Variants in CCDC73 observed in about 807,000 individuals in gnomAD.
CCDC73 encodes the protein coiled-coil domain-containing protein 73.
A neutral mutation model predicts 116.5 loss-of-function variants in CCDC73; 95 were observed. The observed-to-expected ratio is 0.82, with a 90% CI of 0.69 to 0.97. The LOEUF is 0.97. Ranked by LOEUF, CCDC73 falls within the 50% of genes least tolerant of loss-of-function variation. CCDC73 has a pLI of 0.00. For missense variants in CCDC73, 1,066 were observed against 1,206.8 expected (o/e 0.88, Z 1.73); for synonymous variants, 398 against 401.3 (o/e 0.99, Z 0.10).
chr11:32,637,228 G>T (rs1685083092), intron 13 of CCDC73, among the ~76,000 whole-genome samples: 1 of 151,788 alleles, frequency 6.6e-6, no homozygotes, highest in Admixed American at 6.6e-5. Flanking sequence ...GGCCAGGCTG[G>T]TCTCGAACCC....
chr11:32,744,339 T>C (rs756905776), intron 2 of CCDC73, among the ~76,000 whole-genome samples: 1 of 152,232 alleles, frequency 6.6e-6, no homozygotes, highest in Admixed American at 6.5e-5. Flanking sequence ...TTCGCACTGA[T>C]GTTCATCAGG....
At chr11:32,704,147 C>T (rs954502261) in intron 3 of CCDC73, among the ~76,000 whole-genome samples, 1 of 152,194 alleles carries the variant, frequency 6.6e-6, no homozygotes, top group Non-Finnish European at 1.5e-5. Flanking sequence ...GTTGGCGGGG[C>T]AGGAGCCCGT....
chr11:32,662,045 T>C (rs1198966587), intron 9 of CCDC73, among the ~76,000 whole-genome samples: 4 of 152,238 alleles, frequency 2.6e-5, no homozygotes, highest in Non-Finnish European at 4.4e-5. Flanking sequence ...TAGTATTCCA[T>C]GGTGTATATG....
intron 2 of CCDC73, among the ~76,000 whole-genome samples, chr11:32,755,329 A>T (rs1590631244): frequency 7.0e-6 from 1 of 143,010 alleles, no homozygotes; most frequent in East Asian, 2.1e-4. Context: ...AGGTCAGGAG[A>T]TCGAGGCCAG....
intron 2 of CCDC73, among the ~76,000 whole-genome samples, chr11:32,750,155 C>T (rs1164293035): frequency 6.6e-6 from 1 of 152,202 alleles, no homozygotes; most frequent in Non-Finnish European, 1.5e-5. Context: ...CAGGCGTGAG[C>T]CAACGCTCCT....
chr11:32,716,969 T>G (rs1849951610), intron 3 of CCDC73, among the ~76,000 whole-genome samples: 1 of 152,252 alleles, frequency 6.6e-6, no homozygotes, highest in South Asian at 2.1e-4. Context: ...TGCTTGAAAT[T>G]AGTTGTACTT....
chr11:32,606,493 A>C (rs1275216028), intron 17 of CCDC73, among the ~76,000 whole-genome samples: 1 of 152,248 alleles, frequency 6.6e-6, no homozygotes, highest in Non-Finnish European at 1.5e-5. Flanking sequence ...TTTGCAATCA[A>C]GCTTTAAGCT....
chr11:32,767,158 A>T (rs552025683), intron 1 of CCDC73, among the ~76,000 whole-genome samples: 13 of 152,350 alleles, frequency 8.5e-5, no homozygotes, highest in Admixed American at 4.6e-4. Context: ...GCCCTCAGAA[A>T]TAATACCACA....
At chr11:32,827,264 C>T in the CCDC73 span, among the ~76,000 whole-genome samples, 6 of 152,176 alleles carry the variant, frequency 3.9e-5, no homozygotes, top group African/African-American at 1.4e-4. Flanking sequence ...TTGTTACTGG[C>T]TTTTCTCATT....
At chr11:32,612,579 A>T (rs1031275437) in intron 16 of CCDC73, among the ~76,000 whole-genome samples, 3 of 151,888 alleles carry the variant, frequency 2.0e-5, no homozygotes, top group Non-Finnish European at 2.9e-5. Context: ...CTCTACAAAA[A>T]ATTTTAAAAC....
chr11:32,805,642 A>G, the CCDC73 span, among the ~76,000 whole-genome samples: 1 of 152,210 alleles, frequency 6.6e-6, no homozygotes, highest in African/African-American at 2.4e-5. Flanking sequence ...TATCTACCAT[A>G]CAAATTGATA....
rs1855361859 is a variant in CCDC73 at position 32,607,081 on chromosome 11, T to A, written c.3030+4051A>T. 1.2e-3 allele frequency among the ~76,000 whole-genome samples: 7 copies of A among 5,652 alleles called. No individual in the cohort carries two copies. The South Asian group carries it at 0.045, about 36-fold the overall frequency. 3.7% of individuals were successfully genotyped at this position (5,652 alleles called of 152,430 possible). On this transcript the variant is annotated intron_variant, in intron 17 of 17. Transcript: ENST00000335185. Reference sequence around the variant, plus strand: ...CCCACCACGCCCAGCCAAAAATAAATTTTTTTTTTTTTTTTTTTTTTTTTT... The same window carrying A: ...CCCACCACGCCCAGCCAAAAATAAAATTTTTTTTTTTTTTTTTTTTTTTTT...
Position 32,728,191 on chromosome 11 carries a change from C to T in CCDC73, c.136-10044G>A, listed in dbSNP as rs555579874. On this transcript the variant is annotated intron_variant, in intron 2 of 17. Coordinates refer to ENST00000335185, the MANE Select transcript of CCDC73 (RefSeq NM_001008391.4). ...GCTTAAGCCCAGGAGGTCAAGAATG[C>T]GGTGAAGCATGGTTGCACCATTGCA... is the stretch of plus-strand genomic sequence containing the variant. Among the ~76,000 whole-genome samples, 12 of 152,100 alleles carry T rather than the reference C, an allele frequency of 7.9e-5. No homozygotes were observed. The South Asian group carries it at 1.5e-3, about 18-fold the overall frequency.
intron 15 of CCDC73, 108 bp from the exon 16 acceptor site, chr11:32,615,050 T>G (rs1855462263): frequency 1.6e-6 from 1 of 632,126 alleles, no homozygotes; most frequent in Non-Finnish European, 2.6e-6. Context: ...CTTAAATATT[T>G]TATGGGTCAA....
intron 10 of CCDC73, 126 bp from the exon 11 acceptor site, chr11:32,654,163 TTTTG>T: frequency 7.1e-6 from 6 of 840,094 alleles, no homozygotes; most frequent in East Asian, 3.0e-5. Context: ...ACATTTGTTT[TTTTG>T]TTTGTTTATT....
rs534487639 is a variant in CCDC73 at position 32,717,888 on chromosome 11, G to C, written c.207+188C>G. Among the ~76,000 whole-genome samples, 5 of 152,294 alleles carry C rather than the reference G, an allele frequency of 3.3e-5. No individual in the cohort carries two copies. In the South Asian group the frequency reaches 1.0e-3, roughly 32 times the overall value. ...AGGTGACAGAAAGGAGAAGTGCTGA[G>C]CGAAGAGGGAAGAGCCCCTTATAAA... On this transcript the variant is annotated intron_variant, in intron 3 of 17. Transcript: ENST00000335185.
chr11:32,613,208 T>C (rs574822349), intron 16 of CCDC73, among the ~76,000 whole-genome samples: 1 of 152,184 alleles, frequency 6.6e-6, no homozygotes, highest in South Asian at 2.1e-4. Context: ...GAAGAGCATA[T>C]AGAAAGAAGA....
At chr11:32,604,434 G>C (rs1276049293) in intron 17 of CCDC73, 1 of 152,094 alleles carries the variant, frequency 6.6e-6, no homozygotes, top group African/African-American at 2.4e-5. Flanking sequence ...GGATATACAC[G>C]TGTATTTTAG....
intron 7 of CCDC73, among the ~76,000 whole-genome samples, chr11:32,678,532 A>C (rs991645129): frequency 4.6e-5 from 7 of 152,220 alleles, no homozygotes; most frequent in Non-Finnish European, 8.8e-5. Context: ...GATTGTTATT[A>C]TTCCTTAACT....
Sources: allele counts gnomAD v4.1 joint callset (sites outside exome capture counted in the v4.1 genomes callset), GRCh38; gene constraint gnomAD v4.1.1; transcripts MANE v1.5; gene names NCBI Gene and HGNC (gene_info 2026-07-23, HGNC 2026-07-21).